The following AHCYL2 variants were observed in gnomAD, a reference collection of about 807,000 sequenced individuals.
AHCYL2 encodes the protein adenosylhomocysteinase like 2, also known as S-adenosylhomocysteine hydrolase-like protein 2.
Under a neutral mutation model 81.4 loss-of-function variants are expected in AHCYL2, and 28 were observed. The ratio of observed to expected loss-of-function variants is 0.34; its 90% CI spans 0.25 to 0.47. AHCYL2 has a LOEUF of 0.47. Among genes scored for constraint, AHCYL2 ranks in the 20% least tolerant of loss-of-function variants. The pLI is 1.00. For synonymous variants in AHCYL2, 272 were observed against 290.2 expected (o/e 0.94, Z 0.64); for missense variants, 551 against 785.1 (o/e 0.70, Z 3.56).
chr7:129,362,597 G>GTTTTCTTTTT (rs1793968208), intron 1 of AHCYL2, among the ~76,000 whole-genome samples: 1 of 63,630 alleles, frequency 1.6e-5, no homozygotes, highest in Non-Finnish European at 3.1e-5. Context: ...TGGTTTTCTT[G>GTTTTCTTTTT]TTTTTTTTTT....
chr7:129,226,471 G>A (rs1458452581), intron 1 of AHCYL2, among the ~76,000 whole-genome samples: 2 of 152,182 alleles, frequency 1.3e-5, no homozygotes, highest in African/African-American at 2.4e-5. Context: ...GACACAGTAT[G>A]GGCACAGGGA....
rs903566311 is a variant in AHCYL2 at position 129,272,912 on chromosome 7, A to T, written c.363+47473A>T. Among the ~76,000 whole-genome samples, 7 of 151,818 alleles carry T rather than the reference A, an allele frequency of 4.6e-5. 1 individual carries two copies. The highest frequency in any genetic ancestry group is 4.6e-4 in the Admixed American group (7 of 15,214). On this transcript the variant is annotated intron_variant, in intron 1 of 16. Coordinates refer to ENST00000325006, the MANE Select transcript of AHCYL2 (RefSeq NM_015328.4). ...TCAAATGGCCAATGACTTTTATTTTATTATTATTATTATTATTTTGAGATA... is the reference window on the plus strand; with the variant it reads ...TCAAATGGCCAATGACTTTTATTTTTTTATTATTATTATTATTTTGAGATA...
intron 4 of AHCYL2, among the ~76,000 whole-genome samples, chr7:129,391,184 A>C (rs1283377294): frequency 6.6e-6 from 1 of 152,260 alleles, no homozygotes; most frequent in Admixed American, 6.5e-5. Flanking sequence ...GCATCAGAGC[A>C]GCATTGCCAT....
intron 1 of AHCYL2, among the ~76,000 whole-genome samples, chr7:129,290,030 C>A (rs1025097027): frequency 2.6e-5 from 4 of 151,986 alleles, no homozygotes; most frequent in Non-Finnish European, 5.9e-5. Flanking sequence ...GATCCTCCCG[C>A]CTCGGCCTCC....
At chr7:129,335,008 G>C (rs981434427) in intron 1 of AHCYL2, among the ~76,000 whole-genome samples, 40 of 152,116 alleles carry the variant, frequency 2.6e-4, no homozygotes, top group Admixed American at 2.5e-3. Context: ...TCACTTCTCT[G>C]GTCCTAAGTT....
intron 4 of AHCYL2, 126 bp from the exon 5 acceptor site, chr7:129,397,096 C>T: frequency 1.3e-6 from 1 of 755,122 alleles, no homozygotes; most frequent in African/African-American, 1.8e-5. Flanking sequence ...CTGTAGAGCC[C>T]AATTTGAAAA....
chr7:129,347,023 G>A (rs1363134473), intron 1 of AHCYL2, among the ~76,000 whole-genome samples: 1 of 152,162 alleles, frequency 6.6e-6, no homozygotes, highest in Non-Finnish European at 1.5e-5. Context: ...ACTAAGTGAA[G>A]TAAGCCAACC....
chr7:129,323,773 T>A (rs1265780370), intron 1 of AHCYL2, among the ~76,000 whole-genome samples: 1 of 152,222 alleles, frequency 6.6e-6, no homozygotes, highest in Non-Finnish European at 1.5e-5. Flanking sequence ...GTCCTCTTGA[T>A]GAATTGACTT....
chr7:129,362,872 C>T (rs1320616805), intron 1 of AHCYL2, among the ~76,000 whole-genome samples: 1 of 152,078 alleles, frequency 6.6e-6, no homozygotes, highest in African/African-American at 2.4e-5. Flanking sequence ...TTGATTAAAA[C>T]TGTTCTGCCA....
intron 12 of AHCYL2, among the ~76,000 whole-genome samples, chr7:129,421,898 G>C (rs903390086): frequency 3.3e-4 from 50 of 152,190 alleles, no homozygotes; most frequent in African/African-American, 1.2e-3. Context: ...ACAATGACTA[G>C]AATATGGTAT....
intron 1 of AHCYL2, among the ~76,000 whole-genome samples, chr7:129,253,328 G>A (rs1036331322): frequency 3.3e-5 from 5 of 152,208 alleles, no homozygotes; most frequent in African/African-American, 4.8e-5. Flanking sequence ...TTGCCAAGAC[G>A]TAGCATGTAG....
chr7:129,226,214 G>C (rs1030714357), intron 1 of AHCYL2, among the ~76,000 whole-genome samples: 5 of 152,328 alleles, frequency 3.3e-5, no homozygotes, highest in Non-Finnish European at 5.9e-5. Context: ...TCTTTGTGGG[G>C]TTTTCGGTCT....
chr7:129,372,668 C>T (rs143787438), intron 1 of AHCYL2, among the ~76,000 whole-genome samples: 2 of 152,084 alleles, frequency 1.3e-5, no homozygotes, highest in Non-Finnish European at 2.9e-5. Flanking sequence ...AAAAAATAAG[C>T]CAGGCATGGT....
Position 129,308,370 on chromosome 7 carries a change from A to G in AHCYL2, c.364-71268A>G, listed in dbSNP as rs572468500. Among the ~76,000 whole-genome samples the G allele has an allele frequency of 1.2e-4, 19 of 152,230 alleles. No homozygotes were observed. The East Asian group carries it at 1.5e-3, about 12-fold the overall frequency. On this transcript the variant is annotated intron_variant, in intron 1 of 16. Transcript: ENST00000325006. ...CTGGTGTTGCCAGCACTGAGTTCCAATGCAAAGTTGCACAATCACTGAGCT... is the reference window on the plus strand; with the variant it reads ...CTGGTGTTGCCAGCACTGAGTTCCAGTGCAAAGTTGCACAATCACTGAGCT...
intron 1 of AHCYL2, among the ~76,000 whole-genome samples, chr7:129,230,712 A>G (rs1368653797): frequency 6.6e-6 from 1 of 151,496 alleles, no homozygotes; most frequent in East Asian, 2.0e-4. Flanking sequence ...AGCTGGGACT[A>G]CAGGTGCACG....
intron 12 of AHCYL2, among the ~76,000 whole-genome samples, chr7:129,420,816 G>C (rs916345456): frequency 6.6e-6 from 1 of 152,008 alleles, no homozygotes; most frequent in African/African-American, 2.4e-5. Context: ...TAAATTTACA[G>C]TATTTATTTA....
At position 129,301,548 on chromosome 7, in the gene AHCYL2, G is replaced by C. The variant is rs534194453; in HGVS notation, c.363+76109G>C. On this transcript the variant is annotated intron_variant, in intron 1 of 16. Transcript: ENST00000325006. Reference sequence around the variant, plus strand: ...TTATTTGATTTTTGTATATGTGAGAGATAGAGGTCTAGTTTTATTCTTCTG... The same window carrying C: ...TTATTTGATTTTTGTATATGTGAGACATAGAGGTCTAGTTTTATTCTTCTG... 2.6e-5 allele frequency among the ~76,000 whole-genome samples: 4 copies of C among 152,144 alleles called. No individual in the cohort carries two copies. In the South Asian group the frequency reaches 8.3e-4, roughly 32 times the overall value.
chr7:129,312,660 A>G (rs1222388704), intron 1 of AHCYL2, among the ~76,000 whole-genome samples: 1 of 152,194 alleles, frequency 6.6e-6, no homozygotes, highest in East Asian at 1.9e-4. Flanking sequence ...ACAGTTACCT[A>G]TAACTATTTA....
chr7:129,405,028 C>A, intron 7 of AHCYL2, 69 bp from the exon 8 acceptor site: 2 of 948,746 alleles, frequency 2.1e-6, no homozygotes, highest in Middle Eastern at 2.2e-4. Context: ...ATTTCTGGGG[C>A]CTCCTATGAA....
Sources: allele counts gnomAD v4.1 joint callset (sites outside exome capture counted in the v4.1 genomes callset), GRCh38; gene constraint gnomAD v4.1.1; transcripts MANE v1.5; gene names NCBI Gene and HGNC (gene_info 2026-07-23, HGNC 2026-07-21).